The following KIF1B variants were observed in gnomAD, a reference collection of about 807,000 sequenced individuals.
KIF1B encodes kinesin-like protein KIF1B.
In KIF1B, 76 loss-of-function variants were observed where a neutral mutation model predicts 241.9. The observed-to-expected ratio is 0.31, with a 90% confidence interval of 0.26 to 0.38. KIF1B has a LOEUF of 0.38. Ranked by LOEUF, KIF1B falls within the 10% of genes least tolerant of loss-of-function variation. The pLI is 1.00. For missense variants in KIF1B, 1,622 were observed against 2,271.4 expected (o/e 0.71, Z 5.81); for synonymous variants, 750 against 796.7 (o/e 0.94, Z 0.99).
At chr1:10,327,501 C>CAA (rs570948893) in intron 27 of KIF1B, among the ~76,000 whole-genome samples, 1,425 of 73,900 alleles carry the variant, frequency 0.019, 26 homozygotes, top group African/African-American at 0.055. Context: ...AACTCCGTCT[C>CAA]AAAAAAAAAA....
At chr1:10,293,427 C>T (rs1341761593) in intron 17 of KIF1B, among the ~76,000 whole-genome samples, 2 of 140,698 alleles carry the variant, frequency 1.4e-5, no homozygotes, top group African/African-American at 5.3e-5. Flanking sequence ...GACAGAGTCT[C>T]ACTCTGTCGC....
intron 12 of KIF1B, among the ~76,000 whole-genome samples, chr1:10,277,288 A>AG (rs1250763273): frequency 6.6e-6 from 1 of 151,940 alleles, no homozygotes; most frequent in African/African-American, 2.4e-5. Flanking sequence ...TCTTAAAAAA[A>AG]AAAAAAGAAA....
At chr1:10,258,111 G>T (rs914430714) in intron 3 of KIF1B, among the ~76,000 whole-genome samples, 31 of 152,186 alleles carry the variant, frequency 2.0e-4, no homozygotes, top group African/African-American at 7.0e-4. Context: ...TGAGTTCAAA[G>T]AAGTATTTTT....
At chr1:10,353,052 G>T (rs1652855578) in intron 38 of KIF1B, among the ~76,000 whole-genome samples, 1 of 152,174 alleles carries the variant, frequency 6.6e-6, no homozygotes, top group Admixed American at 6.5e-5. Flanking sequence ...ATTCCCCAAG[G>T]ATTTAAAAGT....
chr1:10,243,910 A>G (rs963099144), intron 2 of KIF1B, among the ~76,000 whole-genome samples: 5 of 152,264 alleles, frequency 3.3e-5, no homozygotes, highest in East Asian at 3.9e-4. Context: ...CTTGCAAATC[A>G]TATCTCTTTA....
At chr1:10,324,202 A>G (rs530125379) in intron 25 of KIF1B, 140 bp downstream of exon 25, 195 of 802,636 alleles carry the variant, frequency 2.4e-4, no homozygotes, top group Non-Finnish European at 3.7e-4. Flanking sequence ...TTGTTGGCCA[A>G]TGGTATTACC....
chr1:10,272,746 G>GGGGGAAAAA (rs1648872545), intron 9 of KIF1B, among the ~76,000 whole-genome samples: 1 of 126,188 alleles, frequency 7.9e-6, no homozygotes, highest in Non-Finnish European at 1.7e-5. Context: ...CAATAGTTTT[G>GGGGGAAAAA]TTCTTTCCTA....
chr1:10,357,579 A>T (rs79570356), intron 38 of KIF1B, among the ~76,000 whole-genome samples: 2,898 of 152,084 alleles, frequency 0.019, 41 homozygotes, highest in Non-Finnish European at 0.028. Flanking sequence ...AAAAAAAAAA[A>T]TTAATTAGCC....
At chr1:10,336,999 A>G in intron 29 of KIF1B, 75 bp from the exon 30 acceptor site, 2 of 1,590,364 alleles carry the variant, frequency 1.3e-6, no homozygotes, top group African/African-American at 1.3e-5. Flanking sequence ...GGACAGATAA[A>G]CAGAAGTAAG....
At chr1:10,228,385 T>G (rs1438237939) in intron 1 of KIF1B, among the ~76,000 whole-genome samples, 3 of 152,290 alleles carry the variant, frequency 2.0e-5, no homozygotes, top group Non-Finnish European at 4.4e-5. Flanking sequence ...TATCGTAAGC[T>G]TATGAATTTA....
At position 10,326,606 on chromosome 1, in the gene KIF1B, C is replaced by T. The variant is rs1329508296; in HGVS notation, c.2924+247C>T. On this transcript the variant is annotated intron_variant, in intron 27 of 48. Transcript: ENST00000676179. This position sits in a 1 kb window ranked among gnomAD's most constrained non-coding sequence, Gnocchi z 5.2. Reference sequence around the variant, plus strand: ...CAATATATGAAGACTGCATGGAAGACACCTTGTCTTAAATTGCCCAGTAAT... The same window carrying T: ...CAATATATGAAGACTGCATGGAAGATACCTTGTCTTAAATTGCCCAGTAAT... Among the ~76,000 whole-genome samples, 2 of 152,204 alleles carry T rather than the reference C, an allele frequency of 1.3e-5. No homozygotes were observed. The highest frequency in any genetic ancestry group is 1.9e-4 in the East Asian group (1 of 5,206).
intron 17 of KIF1B, 64 bp downstream of exon 17, chr1:10,292,186 G>T (rs748886613): frequency 7.7e-5 from 95 of 1,239,636 alleles, no homozygotes; most frequent in Non-Finnish European, 1.0e-4. Flanking sequence ...TTGTTACTGG[G>T]GCACTTCATG....
In KIF1B at chr1:10,345,829, T is replaced by C; in HGVS notation, c.3689-16T>C. On this transcript the variant is annotated splice_polypyrimidine_tract_variant and intron_variant, in intron 34 of 48. Transcript: ENST00000676179. Reference sequence around the variant, plus strand: ...TCTTGGACCAGATTTTGACATACTCTAAAAACTTTTAAAAGTTCCAGCCAC... The same window carrying C: ...TCTTGGACCAGATTTTGACATACTCCAAAAACTTTTAAAAGTTCCAGCCAC... The C allele has an allele frequency of 1.2e-6, 2 of 1,606,866 alleles. No individual in the cohort carries two copies. The highest frequency in any genetic ancestry group is 8.5e-7 in the Non-Finnish European group (1 of 1,173,576).
Position 10,374,992 on chromosome 1 carries a change from T to C in KIF1B, c.5235T>C (p.Ile1745=), listed in dbSNP as rs144362636. The C allele has an allele frequency of 5.6e-6, 9 of 1,614,058 alleles. No individual in the cohort carries two copies. In the African/African-American group the frequency reaches 6.7e-5, roughly 12 times the overall value. ...SDKDPVERGI[I]NLSTAQVEYS... ...AAGACCCTGTGGAGCGTGGAATCAT[T>C]AACCTGTCCACAGCACAGGTGGAGT... The change falls in exon 47 of 49, where the codon ATT becomes ATC. Residue 1745 remains isoleucine, a synonymous_variant. Transcript: ENST00000676179. This position sits in a 1 kb window ranked among gnomAD's most constrained non-coding sequence, Gnocchi z 4.3.
rs567435289 is a variant in KIF1B, at chr1:10,377,937, G to GA, written c.*1363dup. The GA allele has an allele frequency of 0.026, 4,790 of 183,874 alleles. No individual in the cohort carries two copies. The highest frequency in any genetic ancestry group is 0.069 in the East Asian group (733 of 10,582). The allele number at this position is 183,874 out of a possible 1,614,324, so 11.4% of individuals were successfully genotyped here. ...GGTGACAGAGCAAGACTCTGCCTCAGAAAAAAAAAAAAATAATAATGCTGG... is the reference window on the plus strand; with the variant it reads ...GGTGACAGAGCAAGACTCTGCCTCAGAAAAAAAAAAAAAATAATAATGCTGG... On this transcript the variant is annotated 3_prime_UTR_variant, in exon 49 of 49. Transcript: ENST00000676179.
intron 5 of KIF1B, 135 bp downstream of exon 5, chr1:10,262,105 T>C: frequency 2.7e-6 from 2 of 728,718 alleles, no homozygotes; most frequent in Non-Finnish European, 4.9e-6. Flanking sequence ...AGGCTATTTC[T>C]GGGTTTTGGG....
At chr1:10,290,943 G>T in intron 15 of KIF1B, 139 bp from the exon 16 acceptor site, 1 of 647,650 alleles carries the variant, frequency 1.5e-6, no homozygotes, top group Non-Finnish European at 2.8e-6. Context: ...CTTATCTTAT[G>T]TATTAATAAA....
chr1:10,356,366 A>G (rs1341386650), intron 38 of KIF1B, among the ~76,000 whole-genome samples: 1 of 151,104 alleles, frequency 6.6e-6, no homozygotes, highest in African/African-American at 2.4e-5. Context: ...CTCTGTCTCG[A>G]AAAAAAAATA....
In KIF1B at chr1:10,345,930, C is replaced by T; in HGVS notation, c.3774C>T (p.Ile1258=). 1.2e-6 allele frequency: 2 copies of T among 1,612,666 alleles called. No individual in the cohort carries two copies. The highest frequency in any genetic ancestry group is 1.1e-5 in the South Asian group (1 of 91,044). The change falls in exon 35 of 49, where the codon ATC becomes ATT. Residue 1258 remains isoleucine, a synonymous_variant. Transcript: ENST00000676179. ...SKYDLLVWFE[I]SELEPTGEYI... is the part of the protein sequence containing the mutation. ...ATGACCTCCTGGTTTGGTTTGAGATCAGTGAACTGGAGCCTACAGGAGAGT... is the reference window on the plus strand; with the variant it reads ...ATGACCTCCTGGTTTGGTTTGAGATTAGTGAACTGGAGCCTACAGGAGAGT...
Sources: allele counts gnomAD v4.1 joint callset (sites outside exome capture counted in the v4.1 genomes callset), GRCh38; gene constraint gnomAD v4.1.1; non-coding constraint Gnocchi (gnomAD v3.1); transcripts MANE v1.5; gene names NCBI Gene and HGNC (gene_info 2026-07-23, HGNC 2026-07-21).